The following MYO5B variants were observed in gnomAD, a reference collection of about 807,000 sequenced individuals.
MYO5B encodes the protein unconventional myosin-Vb.
MYO5B carries 143 observed loss-of-function variants against 229.3 expected under a neutral mutation model. The observed-to-expected ratio is 0.62, with a 90% CI of 0.54 to 0.72. The LOEUF is 0.72. MYO5B is among the 30% of genes least tolerant of loss of function. The pLI is 0.00. For missense variants in MYO5B, 2,321 were observed against 2,331.0 expected (o/e 1.00, Z 0.09); for synonymous variants, 918 against 885.2 (o/e 1.04, Z -0.66).
At chr18:49,890,550 G>A (rs756573707) in intron 22 of MYO5B, among the ~76,000 whole-genome samples, 2 of 152,218 alleles carry the variant, frequency 1.3e-5, no homozygotes, top group Non-Finnish European at 2.9e-5. Context: ...CTAAAGAACT[G>A]TCTTTACTAG....
chr18:50,149,633 T>C (rs1457728700), intron 1 of MYO5B, among the ~76,000 whole-genome samples: 46 of 149,544 alleles, frequency 3.1e-4, no homozygotes, highest in African/African-American at 1.1e-3. Context: ...GCTAGCCATA[T>C]GTAGAAAGCT....
intron 2 of MYO5B, among the ~76,000 whole-genome samples, chr18:50,053,105 G>A (rs2030446134): frequency 6.6e-6 from 1 of 152,164 alleles, no homozygotes; most frequent in Non-Finnish European, 1.5e-5. Context: ...CGTAATTTCT[G>A]TGCTCCTGCC....
At chr18:49,903,938 G>A (rs2024871226) in intron 20 of MYO5B, among the ~76,000 whole-genome samples, 1 of 152,228 alleles carries the variant, frequency 6.6e-6, no homozygotes, top group Non-Finnish European at 1.5e-5. Flanking sequence ...GATCCGTTAA[G>A]TGGAGGAGTT....
At chr18:50,046,528 A>G (rs1328892284) in intron 2 of MYO5B, among the ~76,000 whole-genome samples, 2 of 152,286 alleles carry the variant, frequency 1.3e-5, no homozygotes, top group Non-Finnish European at 2.9e-5. Flanking sequence ...AGGTCCATGG[A>G]TGCAGGGGTT....
chr18:49,954,065 T>C (rs1431821727), intron 13 of MYO5B, among the ~76,000 whole-genome samples: 2 of 150,032 alleles, frequency 1.3e-5, no homozygotes, highest in African/African-American at 2.5e-5. Flanking sequence ...TGTGTGTGTG[T>C]GTGTGTATTC....
At chr18:49,872,068 G>C in intron 27 of MYO5B, 99 bp downstream of exon 27, 1 of 1,119,696 alleles carries the variant, frequency 8.9e-7, no homozygotes. Context: ...CTCCTTGTTA[G>C]CAGACTGGGG....
intron 23 of MYO5B, 148 bp downstream of exon 23, chr18:49,880,223 A>T: frequency 1.1e-5 from 8 of 754,104 alleles, no homozygotes; most frequent in Non-Finnish European, 1.9e-5. Flanking sequence ...GGGATCTTAA[A>T]GGTCATTATT....
In MYO5B at chr18:49,853,536, G is replaced by T; in HGVS notation, c.4134C>A (p.Thr1378=). The change falls in exon 31 of 40, where the codon ACC becomes ACA. Residue 1378 remains threonine (T), a synonymous_variant. Transcript: ENST00000285039. The part of the protein sequence containing the change: ...LKEEMDKQQQ[T]FCQTLLLSPE... ...GGGAGAGCAGTAGCGTCTGGCAGAA[G>T]GTCTGCTGCTGTTTGTCCATCTCCT... is the stretch of plus-strand genomic sequence containing the variant. The T allele has an allele frequency of 1.2e-6, 2 of 1,614,212 alleles. No individual in the cohort carries two copies.
intron 1 of MYO5B, among the ~76,000 whole-genome samples, chr18:50,121,969 C>G (rs1239123380): frequency 6.6e-6 from 1 of 152,118 alleles, no homozygotes; most frequent in Non-Finnish European, 1.5e-5. Flanking sequence ...TTTCCTACTT[C>G]CAAGATTCAC....
intron 4 of MYO5B, among the ~76,000 whole-genome samples, chr18:50,011,510 C>A (rs991513911): frequency 2.6e-5 from 4 of 152,276 alleles, no homozygotes; most frequent in African/African-American, 9.6e-5. Flanking sequence ...CGCTCCAAGG[C>A]CTGCACGTCC....
chr18:50,155,399 G>T (rs1465875200), intron 1 of MYO5B, among the ~76,000 whole-genome samples: 1 of 152,130 alleles, frequency 6.6e-6, no homozygotes, highest in Non-Finnish European at 1.5e-5. Context: ...ACTACAAATG[G>T]TATTTAACCA....
Position 49,840,994 on chromosome 18 carries a change from C to T in MYO5B, c.4701+371G>A, listed in dbSNP as rs141066981. ...TTGGCTTAGGAGACAGGGTGACCCA[C>T]TAGGCAACTGAGCTCCCTGCCAGTA... On this transcript the variant is annotated intron_variant, in intron 35 of 39. Coordinates refer to ENST00000285039, the MANE Select transcript of MYO5B (RefSeq NM_001080467.3). Among the ~76,000 whole-genome samples the T allele has an allele frequency of 6.2e-3, 942 of 152,336 alleles. 18 individuals are homozygous for T. The highest frequency in any genetic ancestry group is 0.022 in the African/African-American group (905 of 41,582).
intron 2 of MYO5B, among the ~76,000 whole-genome samples, chr18:50,043,596 G>C (rs1234608000): frequency 8.2e-6 from 1 of 121,750 alleles, no homozygotes; most frequent in Non-Finnish European, 1.6e-5. Flanking sequence ...ATATTTATAA[G>C]TATATAAATA....
intron 1 of MYO5B, among the ~76,000 whole-genome samples, chr18:50,089,180 C>G (rs961683779): frequency 1.3e-5 from 2 of 152,132 alleles, no homozygotes; most frequent in South Asian, 4.1e-4. Flanking sequence ...GAGTTCGAGA[C>G]CAGCCTGGCC....
At chr18:50,054,347 A>G (rs1003054872) in intron 2 of MYO5B, among the ~76,000 whole-genome samples, 1 of 152,236 alleles carries the variant, frequency 6.6e-6, no homozygotes, top group African/African-American at 2.4e-5. Flanking sequence ...TTAAAAATAA[A>G]AAGAGTGGGT....
chr18:49,935,065 T>C (rs552010000), intron 16 of MYO5B, among the ~76,000 whole-genome samples: 2 of 152,208 alleles, frequency 1.3e-5, no homozygotes, highest in East Asian at 1.9e-4. Flanking sequence ...AGGATGTTTT[T>C]TAAAGGTTTA....
chr18:49,892,125 A>G (rs2024722315), intron 22 of MYO5B, among the ~76,000 whole-genome samples: 1 of 152,198 alleles, frequency 6.6e-6, no homozygotes, highest in South Asian at 2.1e-4. Flanking sequence ...AGCCATGCAA[A>G]ACAGCACAGC....
At chr18:49,873,172 G>A (rs1049760106) in intron 26 of MYO5B, among the ~76,000 whole-genome samples, 7 of 152,202 alleles carry the variant, frequency 4.6e-5, no homozygotes, top group African/African-American at 9.7e-5. Flanking sequence ...GGATTCAGCT[G>A]AGCAAATAAT....
chr18:50,038,486 C>T (rs2029904342), intron 3 of MYO5B, among the ~76,000 whole-genome samples: 1 of 152,228 alleles, frequency 6.6e-6, no homozygotes, highest in Non-Finnish European at 1.5e-5. Context: ...TCCACTAATG[C>T]AGCTAATCAC....
Sources: gnomAD v4.1 joint callset for allele counts (sites outside exome capture counted in the v4.1 genomes callset) on GRCh38, gnomAD v4.1.1 for gene constraint, MANE v1.5 for transcripts, NCBI Gene and HGNC (gene_info 2026-07-23, HGNC 2026-07-21) for gene names.